Variants in NCOR1 observed in about 807,000 individuals in gnomAD.
NCOR1 encodes protein phosphatase 1, regulatory subunit 109.
NCOR1 carries 63 observed loss-of-function variants against 288.1 expected under a neutral mutation model. The ratio of observed to expected loss-of-function variants is 0.22; its 90% CI spans 0.18 to 0.27. The LOEUF is 0.27. Among genes scored for constraint, NCOR1 ranks in the 10% least tolerant of loss-of-function variants. The pLI is 1.00. For synonymous variants in NCOR1, 1,007 were observed against 1,065.9 expected, an observed-to-expected ratio of 0.94 and a Z score of 1.08; for missense variants, 2,397 against 3,019.2, an observed-to-expected ratio of 0.79 and a Z score of 4.83.
intron 3 of NCOR1, among the ~76,000 whole-genome samples, chr17:16,179,466 G>T (rs1385788826): frequency 6.6e-6 from 1 of 152,114 alleles, no homozygotes; most frequent in Non-Finnish European, 1.5e-5. Context: ...AGAGGCTGAA[G>T]AAGTAATCAA....
chr17:16,098,562 T>C lies in NCOR1; in HGVS notation c.2691-66A>G, dbSNP rs2067053670. The C allele has an allele frequency of 5.1e-6, 7 of 1,377,166 alleles. No individual in the cohort carries two copies. In the Admixed American group the frequency reaches 1.3e-4, roughly 25 times the overall value. The allele number at this position is 1,377,166 out of a possible 1,614,324, so 85.3% of individuals were successfully genotyped here. On this transcript the variant is annotated intron_variant, in intron 20 of 45. Coordinates refer to ENST00000268712, the MANE Select transcript of NCOR1 (RefSeq NM_006311.4). ...TTAAGACTCAAACATATAATCACTA[T>C]AAGTTCTTCTAAGTTAGTATGTACA...
rs201164271 is a variant in NCOR1, at chr17:16,147,989, GT to G, written c.910-1442del. Among the ~76,000 whole-genome samples, 1,095 of 152,280 alleles carry G rather than the reference GT, an allele frequency of 7.2e-3. 24 individuals carry two copies. Among genetic ancestry groups the G allele is most frequent in the African/African-American group, 0.025 (1,023 of 41,546 alleles). ...TGCGCCACCACGCCTGGCTAATTTT[GT>G]ATTTTTAGCAGAGACGGAGTTTCTC... is the stretch of plus-strand genomic sequence containing the variant. On this transcript the variant is annotated intron_variant, in intron 9 of 45. Transcript: ENST00000268712.
At chr17:16,044,556 G>A (rs1446133546) in intron 42 of NCOR1, 1 of 508,340 alleles carries the variant, frequency 2.0e-6, no homozygotes, top group Non-Finnish European at 4.0e-6. Context: ...GTTGGGATGA[G>A]GCCCTCACTT....
At chr17:16,100,357 A>G (rs1452739887) in intron 20 of NCOR1, among the ~76,000 whole-genome samples, 1 of 152,176 alleles carries the variant, frequency 6.6e-6, no homozygotes, top group Admixed American at 6.5e-5. Flanking sequence ...CTACCTGTAA[A>G]CTGCAGGGAG....
rs373678242 is a variant in NCOR1, at chr17:16,062,156, T to C, written c.5336A>G (p.Asn1779Ser). The C allele has an allele frequency of 1.6e-4, 256 of 1,613,912 alleles. No homozygotes were observed. Among genetic ancestry groups the C allele is most frequent in the Non-Finnish European group, 1.9e-4 (225 of 1,180,018 alleles). ...QQRPSVFQGT[N>S]GTSVITPLDP... ...CAAAGGTGTGATTACACTGGTTCCATTGGTTCCTTGGAAAACACTGGGTCT... is the reference window on the plus strand; with the variant it reads ...CAAAGGTGTGATTACACTGGTTCCACTGGTTCCTTGGAAAACACTGGGTCT... The change falls in exon 36 of 46, where the codon AAT becomes AGT. Residue 1779 changes from asparagine to serine, a missense_variant. Asn to Ser is a conservative substitution (Grantham distance 46, BLOSUM62 1). Around this residue, in one of 11 missense-constraint regions of NCOR1, gnomAD observed 1,872 missense variants for 2,187.8 expected, o/e 0.86. Transcript: ENST00000268712.
intron 3 of NCOR1, among the ~76,000 whole-genome samples, chr17:16,185,499 C>T (rs2086458919): frequency 6.6e-6 from 1 of 151,720 alleles, no homozygotes; most frequent in South Asian, 2.1e-4. Context: ...GCCTGGTCAA[C>T]ACGGCAAAAC....
intron 42 of NCOR1, among the ~76,000 whole-genome samples, chr17:16,041,882 G>T (rs1008733739): frequency 1.3e-5 from 2 of 151,608 alleles, no homozygotes; most frequent in South Asian, 4.2e-4. Flanking sequence ...GACTACAGGC[G>T]CCCGCCACTA....
intron 40 of NCOR1, among the ~76,000 whole-genome samples, chr17:16,050,982 G>C (rs948924141): frequency 1.3e-5 from 2 of 152,062 alleles, no homozygotes; most frequent in African/African-American, 4.8e-5. Flanking sequence ...ACAGGTGCAT[G>C]CCACCATGCC....
intron 19 of NCOR1, among the ~76,000 whole-genome samples, chr17:16,103,741 C>T (rs556082158): frequency 1.8e-4 from 28 of 152,320 alleles, no homozygotes; most frequent in Middle Eastern, 3.4e-3. Context: ...ATGGGCTGGG[C>T]GCACTGGCTC....
rs1207645050 is a variant in NCOR1 at position 16,031,526 on chromosome 17, C to T, written c.*770G>A. The T allele has an allele frequency of 4.7e-6, 1 of 211,110 alleles. No individual in the cohort carries two copies. The highest frequency in any genetic ancestry group is 9.6e-6 in the Non-Finnish European group (1 of 104,258). The allele number at this position is 211,110 out of a possible 1,614,324, so 13.1% of individuals were successfully genotyped here. ...CAGTGTGCGTAACAGTGAGGTATGCCTCAAATAAGCCTTTAAAACTTTATA... is the reference window on the plus strand; with the variant it reads ...CAGTGTGCGTAACAGTGAGGTATGCTTCAAATAAGCCTTTAAAACTTTATA... On this transcript the variant is annotated 3_prime_UTR_variant, in exon 46 of 46. Transcript: ENST00000268712.
intron 1 of NCOR1, among the ~76,000 whole-genome samples, chr17:16,196,767 G>A (rs536802554): frequency 3.3e-5 from 5 of 149,844 alleles, no homozygotes; most frequent in South Asian, 2.1e-4. Context: ...GGAGCTTGCC[G>A]TGAGCCAAGA....
intron 1 of NCOR1, among the ~76,000 whole-genome samples, chr17:16,214,033 CAAAT>C (rs1600688075): frequency 6.6e-6 from 1 of 151,974 alleles, no homozygotes; most frequent in Non-Finnish European, 1.5e-5. Flanking sequence ...AATATTAAAA[CAAAT>C]AAATAAACTT....
chr17:16,214,257 A>T (rs1005963915), intron 1 of NCOR1, among the ~76,000 whole-genome samples: 3 of 152,254 alleles, frequency 2.0e-5, no homozygotes, highest in Admixed American at 6.5e-5. Flanking sequence ...TAAAAATTAA[A>T]CGATGCCATC....
At chr17:16,063,987 T>G in intron 35 of NCOR1, 81 bp downstream of exon 35, 1 of 1,437,550 alleles carries the variant, frequency 7.0e-7, no homozygotes, top group Non-Finnish European at 9.2e-7. Flanking sequence ...CCATCAAAAC[T>G]TTTTGTGCGC....
At chr17:16,080,769 T>C (rs932240709) in intron 23 of NCOR1, 42 bp from the exon 24 acceptor site, 2 of 1,570,184 alleles carry the variant, frequency 1.3e-6, no homozygotes, top group Non-Finnish European at 1.7e-6. Context: ...TAAGCAAACA[T>C]TGTTTTTTTC....
chr17:16,170,170 T>C (rs1157607857), intron 4 of NCOR1, among the ~76,000 whole-genome samples: 2 of 151,098 alleles, frequency 1.3e-5, no homozygotes, highest in Non-Finnish European at 2.9e-5. Context: ...TATTTGAAAA[T>C]AAATTGTAGA....
intron 10 of NCOR1, among the ~76,000 whole-genome samples, chr17:16,144,405 T>C (rs2077561644): frequency 6.6e-6 from 1 of 152,216 alleles, no homozygotes; most frequent in South Asian, 2.1e-4. Flanking sequence ...AGACATAATG[T>C]TTACTGGTTG....
intron 1 of NCOR1, chr17:16,198,357 C>CAAAAAA (rs55993030): frequency 1.3e-5 from 1 of 79,744 alleles, no homozygotes; most frequent in Non-Finnish European, 2.3e-5. Context: ...GACTCCGTCT[C>CAAAAAA]AAAAAAAAAA....
chr17:16,108,638 A>G, intron 19 of NCOR1, 148 bp downstream of exon 19: 2 of 542,400 alleles, frequency 3.7e-6, no homozygotes, highest in Non-Finnish European at 6.0e-6. Context: ...AAATGAATAA[A>G]AACATTATGT....
Sources: allele counts gnomAD v4.1 joint callset (sites outside exome capture counted in the v4.1 genomes callset), GRCh38; gene constraint gnomAD v4.1.1; regional missense constraint gnomAD v4.1.1; transcripts MANE v1.5; gene names NCBI Gene and HGNC (gene_info 2026-07-23, HGNC 2026-07-21).